Variants in CDH12 observed in about 807,000 individuals in gnomAD.
CDH12 encodes cadherin-12.
A neutral mutation model predicts 74.1 loss-of-function variants in CDH12; 41 were observed. That is an observed-to-expected ratio of 0.55 (90% CI 0.43 to 0.72). CDH12 has a LOEUF of 0.72. CDH12 is among the 30% of genes least tolerant of loss of function. The pLI is 0.00. For synonymous variants in CDH12, 399 were observed against 355.0 expected (o/e 1.12, Z -1.39); for missense variants, 945 against 977.2 (o/e 0.97, Z 0.44).
intron 3 of CDH12, among the ~76,000 whole-genome samples, chr5:22,330,186 C>A (rs1357343925): frequency 2.6e-5 from 4 of 152,076 alleles, no homozygotes. Context: ...GATAGGGCAC[C>A]AGGCAGAGTA....
intron 1 of CDH12, among the ~76,000 whole-genome samples, chr5:22,745,191 T>C (rs1019772605): frequency 6.6e-6 from 1 of 152,100 alleles, no homozygotes; most frequent in African/African-American, 2.4e-5. Context: ...CCATTGCTCT[T>C]CTATAGATTA....
At chr5:22,361,365 C>A (rs1740793387) in intron 3 of CDH12, among the ~76,000 whole-genome samples, 1 of 152,140 alleles carries the variant, frequency 6.6e-6, no homozygotes, top group South Asian at 2.1e-4. Context: ...AGGAATCCCA[C>A]TTACAAGGGA....
chr5:22,244,788 GAAAGAAAGAAAGAA>G (rs1177030107), intron 3 of CDH12, among the ~76,000 whole-genome samples: 4,606 of 131,342 alleles, frequency 0.035, 97 homozygotes, highest in Non-Finnish European at 0.038. Flanking sequence ...AAGAAAGAAA[GAAAGAAAGAAAGAA>G]AAATTCAAAG....
At position 22,746,327 on chromosome 5, in the gene CDH12, A is replaced by G. The variant is rs112532227; in HGVS notation, c.-523+106731T>C. Among the ~76,000 whole-genome samples the G allele has an allele frequency of 9.7e-3, 1,480 of 152,276 alleles. 6 individuals are homozygous for G. The highest frequency in any genetic ancestry group is 0.014 in the Non-Finnish European group (966 of 68,012). ...CCCACAACAATAACAACAATTTTAA[A>G]AAAAGAAGGTCACCTTCTCACCTTC... On this transcript the variant is annotated intron_variant, in intron 1 of 14. Transcript: ENST00000382254.
intron 3 of CDH12, among the ~76,000 whole-genome samples, chr5:22,321,941 G>C (rs987453880): frequency 6.6e-6 from 1 of 152,086 alleles, no homozygotes; most frequent in African/African-American, 2.4e-5. Context: ...CTCTAATCTT[G>C]ATAGAACAAT....
At chr5:22,808,053 A>T (rs1470828205) in intron 1 of CDH12, among the ~76,000 whole-genome samples, 3 of 152,220 alleles carry the variant, frequency 2.0e-5, no homozygotes, top group Non-Finnish European at 4.4e-5. Context: ...CTATATGCGG[A>T]CCTTGTTGAC....
rs561177449 is a variant in CDH12 at position 21,966,522 on chromosome 5, T to G, written c.526+8569A>C. 2.0e-4 allele frequency among the ~76,000 whole-genome samples: 30 copies of G among 152,256 alleles called. No homozygotes were observed. In the South Asian group the frequency reaches 5.2e-3, roughly 26 times the overall value. On this transcript the variant is annotated intron_variant, in intron 6 of 14. Transcript: ENST00000382254. ...AGTAAAAGCTTCCTGAGAGGAGGAA[T>G]TTTTGTCTTTTTTGCTCAAGTTCTA...
intron 3 of CDH12, among the ~76,000 whole-genome samples, chr5:22,353,430 C>T (rs147653352): frequency 4.1e-4 from 62 of 152,076 alleles, no homozygotes; most frequent in African/African-American, 1.4e-3. Flanking sequence ...TATTAATACA[C>T]GATCTTATAA....
intron 5 of CDH12, among the ~76,000 whole-genome samples, chr5:22,043,128 T>G (rs1484190448): frequency 6.6e-6 from 1 of 151,910 alleles, no homozygotes; most frequent in African/African-American, 2.4e-5. Flanking sequence ...CAAAACAAGA[T>G]GAAGACACAA....
intron 8 of CDH12, 87 bp from the exon 9 acceptor site, chr5:21,817,219 A>C: frequency 1.2e-6 from 1 of 846,822 alleles, no homozygotes; most frequent in Non-Finnish European, 1.8e-6. Context: ...GAGTCCACTG[A>C]AAGTAAATCA....
At chr5:22,283,251 T>TATACACACACACAC (rs1282673054) in intron 3 of CDH12, among the ~76,000 whole-genome samples, 1 of 102,060 alleles carries the variant, frequency 9.8e-6, no homozygotes, top group African/African-American at 4.1e-5. Flanking sequence ...TATATATATA[T>TATACACACACACAC]ACACACACAC....
chr5:22,352,771 A>C (rs910719922), intron 3 of CDH12, among the ~76,000 whole-genome samples: 1 of 152,208 alleles, frequency 6.6e-6, no homozygotes, highest in East Asian at 1.9e-4. Flanking sequence ...AAACCCTCTG[A>C]CATATGGACA....
At chr5:21,998,028 T>C (rs1341652313) in intron 5 of CDH12, among the ~76,000 whole-genome samples, 4 of 152,116 alleles carry the variant, frequency 2.6e-5, no homozygotes, top group Non-Finnish European at 4.4e-5. Flanking sequence ...TGCTTTGACC[T>C]GTCTGGATCA....
chr5:22,273,985 G>A (rs1326818300), intron 3 of CDH12, among the ~76,000 whole-genome samples: 2 of 152,036 alleles, frequency 1.3e-5, no homozygotes, highest in Non-Finnish European at 2.9e-5. Flanking sequence ...TAAAGTATAT[G>A]TGAATTCTTT....
intron 3 of CDH12, among the ~76,000 whole-genome samples, chr5:22,357,632 T>TA (rs1423088372): frequency 6.6e-6 from 1 of 152,182 alleles, no homozygotes; most frequent in Non-Finnish European, 1.5e-5. Context: ...ATTGGATTGA[T>TA]ATAAGAAAGT....
chr5:22,680,936 G>A (rs1308173045), intron 1 of CDH12, among the ~76,000 whole-genome samples: 2 of 151,844 alleles, frequency 1.3e-5, no homozygotes, highest in Non-Finnish European at 2.9e-5. Context: ...CTGATATTTA[G>A]GAAGCATGAC....
chr5:22,626,006 G>A (rs1487419), intron 1 of CDH12, among the ~76,000 whole-genome samples: 19,408 of 151,976 alleles, frequency 0.13, 1,955 homozygotes, highest in Admixed American at 0.32. Context: ...CACTGTACTG[G>A]CAGTGTCAGT....
rs529893958 is a variant in CDH12, at chr5:22,270,680, A to G, written c.-332-58037T>C. Among the ~76,000 whole-genome samples the G allele has an allele frequency of 2.0e-5, 3 of 151,078 alleles. No homozygotes were observed. In the South Asian group the frequency reaches 6.3e-4, roughly 32 times the overall value. On this transcript the variant is annotated intron_variant, in intron 3 of 14. Coordinates refer to ENST00000382254, the MANE Select transcript of CDH12 (RefSeq NM_004061.5). ...TTATTTCAATTTTATTTATTTATTTATGTATTTTGAGACAGAGTTTTGCTC... is the reference window on the plus strand; with the variant it reads ...TTATTTCAATTTTATTTATTTATTTGTGTATTTTGAGACAGAGTTTTGCTC...
intron 3 of CDH12, among the ~76,000 whole-genome samples, chr5:22,233,306 AT>A (rs66957848): frequency 0.035 from 4,808 of 137,838 alleles, 93 homozygotes; most frequent in African/African-American, 0.037. Flanking sequence ...AGCAAAAAAA[AT>A]ATATATATAT....
Sources: allele counts gnomAD v4.1 joint callset (sites outside exome capture counted in the v4.1 genomes callset), GRCh38; gene constraint gnomAD v4.1.1; transcripts MANE v1.5; gene names NCBI Gene and HGNC (gene_info 2026-07-23, HGNC 2026-07-21).